Variants in SERBP1 observed in about 807,000 individuals in gnomAD.
SERBP1 encodes SERPINE1 mRNA binding protein 1, also known as SERPINE1 mRNA-binding protein 1.
In SERBP1, 6 loss-of-function variants were observed where a neutral mutation model predicts 50.2. The observed-to-expected ratio is 0.12, with a 90% CI of 0.07 to 0.24. The LOEUF (loss-of-function observed/expected upper bound fraction) is 0.24, where lower values mean the gene tolerates loss of function less well. Among genes scored for constraint, SERBP1 ranks in the 10% least tolerant of loss-of-function variants. The probability of loss-of-function intolerance (pLI) is 1.00; values close to 1 mark genes in which losing one functional copy is unlikely to be tolerated. For synonymous variants in SERBP1, 168 were observed against 182.8 expected, an observed-to-expected ratio of 0.92 and a Z score of 0.65; for missense variants, 346 against 524.9, an observed-to-expected ratio of 0.66 and a Z score of 3.33.
In SERBP1 at chr1:67,430,055, C is replaced by G; in HGVS notation, c.246G>C (p.Leu82=). ...KESQKDRKNP[L]PPSVGVVDKK... ...TGTCAACCACGCCAACGCTGGGGGGCAGCGGGTTCTTGCGGTCTTTCTGGG... is the reference window on the plus strand; with the variant it reads ...TGTCAACCACGCCAACGCTGGGGGGGAGCGGGTTCTTGCGGTCTTTCTGGG... The change falls in exon 1 of 8, where the codon CTG becomes CTC. Residue 82 remains leucine (L), a synonymous_variant. Coordinates refer to ENST00000361219, the MANE Select transcript of SERBP1 (RefSeq NM_001018069.2). 7 of 1,613,710 alleles carry G rather than the reference C, an allele frequency of 4.3e-6. No individual in the cohort carries two copies. The highest frequency in any genetic ancestry group is 5.9e-6 in the Non-Finnish European group (7 of 1,179,804).
In SERBP1 at chr1:67,411,447, T is replaced by C. The variant is rs1666841251; in HGVS notation, c.*1760A>G. 1 of 152,058 alleles carries C rather than the reference T, an allele frequency of 6.6e-6. No homozygotes were observed. Among genetic ancestry groups the C allele is most frequent in the Non-Finnish European group, 1.5e-5 (1 of 67,976 alleles). 9.4% of individuals were successfully genotyped at this position (152,058 alleles called of 1,614,324 possible). A position where few individuals can be genotyped will look rare whatever the true frequency, so the allele number is the denominator to read the frequency against. On this transcript the variant is annotated 3_prime_UTR_variant, in exon 8 of 8. Coordinates refer to ENST00000361219, the MANE Select transcript of SERBP1 (RefSeq NM_001018069.2). ...CAATGGGTCAATAGTTCATATGGAC[T>C]AAATTAATCTCTGGGTAGCACGTAT...
chr1:67,416,492 T>C (rs1322974205), intron 6 of SERBP1, among the ~76,000 whole-genome samples: 2 of 152,246 alleles, frequency 1.3e-5, no homozygotes, highest in African/African-American at 2.4e-5. Flanking sequence ...TTGAAAACTG[T>C]ACTTATAGGA....
rs766971827 is a variant in SERBP1, at chr1:67,425,143, C to G, written c.545G>C (p.Gly182Ala). 8.7e-6 allele frequency: 14 copies of G among 1,611,770 alleles called. No individual in the cohort carries two copies. In the South Asian group the frequency reaches 1.5e-4, roughly 18 times the overall value. Residue 182 changes from glycine to alanine, a missense_variant, in exon 3 of 8, where the codon GGA becomes GCA. By Grantham distance (60) the Gly-to-Ala change is moderately conservative (BLOSUM62 0). Coordinates refer to ENST00000361219, the MANE Select transcript of SERBP1 (RefSeq NM_001018069.2). ...RGGRGRGMGR[G>A]DGFDSRGKRE... Reference sequence around the variant, plus strand: ...TTTGCCACGAGAATCAAATCCATCTCCTCGGCCCATTCCACGTCCACGGCC... The same window carrying G: ...TTTGCCACGAGAATCAAATCCATCTGCTCGGCCCATTCCACGTCCACGGCC...
At chr1:67,418,209 A>G (rs1342501935) in intron 6 of SERBP1, among the ~76,000 whole-genome samples, 2 of 151,020 alleles carry the variant, frequency 1.3e-5, no homozygotes, top group African/African-American at 4.9e-5. Flanking sequence ...TCCCGACCTC[A>G]GGTGATCCGC....
rs770759803 is a variant in SERBP1 at position 67,415,238 on chromosome 1, T to C, written c.1053A>G (p.Gly351=). 6 of 1,613,388 alleles carry C rather than the reference T, an allele frequency of 3.7e-6. No individual in the cohort carries two copies. The South Asian group carries it at 4.4e-5, about 12-fold the overall frequency. The change falls in exon 7 of 8, where the codon GGA becomes GGG. Residue 351 remains glycine (G), a synonymous_variant. Transcript: ENST00000361219. The part of the protein sequence containing the change: ...EINFGDLGRP[G]RGGRGGRGGR... ...CACCTCGTCCTCCCCTGCCGCCACGTCCTGGGCGGCCAAGGTCTCCAAAAT... is the reference window on the plus strand; with the variant it reads ...CACCTCGTCCTCCCCTGCCGCCACGCCCTGGGCGGCCAAGGTCTCCAAAAT...
chr1:67,418,911 G>A (rs899145834), intron 6 of SERBP1, among the ~76,000 whole-genome samples: 11 of 152,156 alleles, frequency 7.2e-5, no homozygotes, highest in African/African-American at 2.4e-4. Context: ...AATGTCAAAA[G>A]GTTAAAGGAA....
At chr1:67,413,638 G>C (rs527537955) in intron 7 of SERBP1, among the ~76,000 whole-genome samples, 32 of 132,804 alleles carry the variant, frequency 2.4e-4, no homozygotes, top group African/African-American at 8.9e-4. Flanking sequence ...AACAGAGTGA[G>C]ACTCCATCTC....
At chr1:67,416,010 CCTT>C (rs1227947502) in intron 6 of SERBP1, among the ~76,000 whole-genome samples, 2 of 122,116 alleles carry the variant, frequency 1.6e-5, no homozygotes, top group African/African-American at 5.6e-5. Context: ...GTCACAGGAA[CCTT>C]TTTTTTTTTT....
At chr1:67,417,451 C>A (rs1667051413) in intron 6 of SERBP1, 1 of 152,012 alleles carries the variant, frequency 6.6e-6, no homozygotes, top group East Asian at 1.9e-4. Context: ...TGGAACGAAT[C>A]CCCTGCAGAT....
chr1:67,414,834 C>T (rs1666951436), intron 7 of SERBP1, among the ~76,000 whole-genome samples: 1 of 152,108 alleles, frequency 6.6e-6, no homozygotes, highest in Non-Finnish European at 1.5e-5. Context: ...AAGAGTTAAC[C>T]TGATTCACTA....
In SERBP1 at chr1:67,422,423, T is replaced by C. The variant is rs532688562; in HGVS notation, c.773+1777A>G. On this transcript the variant is annotated intron_variant, in intron 5 of 7. Transcript: ENST00000361219. ...CTACTCAGGAGCTGAGGCAGGAGAA[T>C]TGCTTGAACCCTGGAGGCAGAGGTT... Among the ~76,000 whole-genome samples the C allele has an allele frequency of 8.0e-5, 12 of 150,782 alleles. No homozygotes were observed. The East Asian group carries it at 2.0e-3, about 25-fold the overall frequency.
chr1:67,427,541 T>C (rs1471049979), intron 1 of SERBP1, among the ~76,000 whole-genome samples: 1 of 152,324 alleles, frequency 6.6e-6, no homozygotes, highest in South Asian at 2.1e-4. Flanking sequence ...ATCTCTTCAA[T>C]AGAATTTTGA....
At chr1:67,424,413 C>A in intron 4 of SERBP1, 136 bp from the exon 5 acceptor site, 1 of 1,131,454 alleles carries the variant, frequency 8.8e-7, no homozygotes, top group South Asian at 1.7e-5. Flanking sequence ...CTCTCACATT[C>A]TCTAACTCCT....
At position 67,411,807 on chromosome 1, in the gene SERBP1, A is replaced by T. The variant is rs1434561971; in HGVS notation, c.*1400T>A. 3 of 152,216 alleles carry T rather than the reference A, an allele frequency of 2.0e-5. No individual in the cohort carries two copies. Among genetic ancestry groups the T allele is most frequent in the African/African-American group, 4.8e-5 (2 of 41,470 alleles). The allele number at this position is 152,216 out of a possible 1,614,324, so 9.4% of individuals were successfully genotyped here. On this transcript the variant is annotated 3_prime_UTR_variant, in exon 8 of 8. Coordinates refer to ENST00000361219, the MANE Select transcript of SERBP1 (RefSeq NM_001018069.2). ...GACAAACAATTCTTAAAAATTTTTT[A>T]AAAATTCCTTCACTGTTTATCAATA...
At chr1:67,424,123 A>G (rs1667293494) in intron 5 of SERBP1, 77 bp downstream of exon 5, 2 of 1,455,678 alleles carry the variant, frequency 1.4e-6, no homozygotes, top group Admixed American at 4.5e-5. Context: ...ACAGCATTAA[A>G]TCTATGGGTT....
Position 67,430,389 on chromosome 1 carries a change from C to G in SERBP1, c.-89G>C. The G allele has an allele frequency of 7.2e-7, 1 of 1,383,922 alleles. No individual in the cohort carries two copies. The highest frequency in any genetic ancestry group is 1.5e-5 in the South Asian group (1 of 68,374). The allele number at this position is 1,383,922 out of a possible 1,614,324, so 85.7% of individuals were successfully genotyped here. A position where few individuals can be genotyped will look rare whatever the true frequency, so the allele number is the denominator to read the frequency against. On this transcript the variant is annotated 5_prime_UTR_variant, in exon 1 of 8. Transcript: ENST00000361219. ...TGCTTCAGCTCTTCCCACAAGATGG[C>G]CGGGCCGAGAGAGGGGGGCCGTCTT... is the stretch of plus-strand genomic sequence containing the variant.
intron 2 of SERBP1, among the ~76,000 whole-genome samples, chr1:67,425,674 C>T (rs1485190461): frequency 6.6e-6 from 1 of 152,118 alleles, no homozygotes; most frequent in Non-Finnish European, 1.5e-5. Context: ...AAAGTGTTTC[C>T]ATTACAAGAG....
chr1:67,420,911 T>C (rs1320254752), intron 5 of SERBP1, among the ~76,000 whole-genome samples: 1 of 152,202 alleles, frequency 6.6e-6, no homozygotes, highest in East Asian at 1.9e-4. Context: ...TCCTTTCCTC[T>C]TTTTACAGAA....
At chr1:67,420,258 T>C (rs748369318) in intron 5 of SERBP1, 72 bp from the exon 6 acceptor site, 12 of 1,229,712 alleles carry the variant, frequency 9.8e-6, no homozygotes, top group Middle Eastern at 2.0e-4. Flanking sequence ...AAATTTATGA[T>C]TTTAATTGAG....
Sources: allele counts gnomAD v4.1 joint callset (sites outside exome capture counted in the v4.1 genomes callset), GRCh38; gene constraint gnomAD v4.1.1; transcripts MANE v1.5; gene names NCBI Gene and HGNC (gene_info 2026-07-23, HGNC 2026-07-21).